DMP1: variants seen among roughly 807,000 people sequenced by gnomAD.
DMP1 encodes dentin matrix protein 1.
Under a neutral mutation model 14.6 loss-of-function variants are expected in DMP1, and 20 were observed. The observed-to-expected ratio is 1.37, with a 90% CI of 0.96 to 1.99. The LOEUF (loss-of-function observed/expected upper bound fraction) is 1.99, where lower values mean the gene tolerates loss of function less well. Ranked by LOEUF, DMP1 falls within the 30% of genes most tolerant of loss-of-function variation. The pLI is 0.00. For missense variants in DMP1, 567 were observed against 620.5 expected (o/e 0.91, Z 0.92); for synonymous variants, 197 against 215.3 (o/e 0.91, Z 0.75).
chr4:87,660,995 A>C (rs922650509), intron 5 of DMP1, among the ~76,000 whole-genome samples: 1 of 152,192 alleles, frequency 6.6e-6, no homozygotes, highest in Non-Finnish European at 1.5e-5. Flanking sequence ...GAGCATTATA[A>C]ACCAACTCTA....
chr4:87,655,932 T>G (rs1273968649), intron 1 of DMP1, among the ~76,000 whole-genome samples: 2 of 152,206 alleles, frequency 1.3e-5, no homozygotes, highest in East Asian at 3.8e-4. Context: ...TCAATTTATT[T>G]CTTAGGAGTG....
chr4:87,659,980 T>C (rs575563536), intron 5 of DMP1, among the ~76,000 whole-genome samples: 17 of 152,356 alleles, frequency 1.1e-4, no homozygotes, highest in East Asian at 5.8e-4. Flanking sequence ...TCTGTGGGAC[T>C]GGGCTCTGGG....
rs766560937 is a variant in DMP1 at position 87,662,486 on chromosome 4, C to A, written c.708C>A (p.Gly236=). Residue 236 remains glycine, a synonymous_variant, in exon 6 of 6, where the codon GGC becomes GGA. Transcript: ENST00000339673. ...GAAACTCCAGAATGAACAGTGCAGG[C>A]ATGAAATCAAAAGAATCTGGAGAAA... The part of the protein sequence containing the change: ...ERGNSRMNSA[G]MKSKESGENS... 24 of 1,614,056 alleles carry A rather than the reference C, an allele frequency of 1.5e-5. No individual in the cohort carries two copies. The highest frequency in any genetic ancestry group is 2.0e-5 in the Non-Finnish European group (24 of 1,180,038).
Position 87,662,198 on chromosome 4 carries a change from T to G in DMP1, c.420T>G (p.Ser140=), listed in dbSNP as rs1728915876. 1 of 1,614,160 alleles carries G rather than the reference T, an allele frequency of 6.2e-7. No homozygotes were observed. The highest frequency in any genetic ancestry group is 8.5e-7 in the Non-Finnish European group (1 of 1,180,042). ...CCAGACTGGGAAGTGATGAGGACTC[T>G]GATGACACCATACAAGCCAGTGAAG... ...GNSRLGSDED[S]DDTIQASEES... The change falls in exon 6 of 6, where the codon TCT becomes TCG. Residue 140 remains serine, a synonymous_variant. Transcript: ENST00000339673.
intron 2 of DMP1, among the ~76,000 whole-genome samples, 156 bp downstream of exon 2, chr4:87,656,702 GTTT>G (rs1307513049): frequency 6.6e-6 from 1 of 152,188 alleles, no homozygotes; most frequent in Admixed American, 6.5e-5. Flanking sequence ...CATTCAAGGT[GTTT>G]TTTATTCTGT....
At chr4:87,653,620 G>C (rs1728598704) in intron 1 of DMP1, among the ~76,000 whole-genome samples, 1 of 151,480 alleles carries the variant, frequency 6.6e-6, no homozygotes, top group African/African-American at 2.4e-5. Context: ...CTTAGATCAA[G>C]TGTTAAAATC....
intron 5 of DMP1, among the ~76,000 whole-genome samples, chr4:87,661,077 C>T (rs894847390): frequency 1.3e-5 from 2 of 152,130 alleles, no homozygotes; most frequent in East Asian, 1.9e-4. Context: ...CTCGCTCTGT[C>T]GCCAGGCTGG....
At chr4:87,653,600 A>C (rs1454431843) in intron 1 of DMP1, among the ~76,000 whole-genome samples, 1 of 151,150 alleles carries the variant, frequency 6.6e-6, no homozygotes, top group East Asian at 1.9e-4. Flanking sequence ...TAATTATGAT[A>C]TTTTTAATTC....
Position 87,663,947 on chromosome 4 carries a change from A to G in DMP1, c.*627A>G, listed in dbSNP as rs1456986718. The G allele has an allele frequency of 6.5e-6, 1 of 153,872 alleles. No homozygotes were observed. The highest frequency in any genetic ancestry group is 1.4e-5 in the Non-Finnish European group (1 of 69,118). 9.5% of individuals were successfully genotyped at this position (153,872 alleles called of 1,614,324 possible). A position where few individuals can be genotyped will look rare whatever the true frequency, so the allele number is the denominator to read the frequency against. ...CCGGGAAATTCTATTCTTGGGATAA[A>G]TAATAGTAAATTCTATAGGATTCAA... On this transcript the variant is annotated 3_prime_UTR_variant, in exon 6 of 6. Transcript: ENST00000339673.
Position 87,664,019 on chromosome 4 carries a change from T to C in DMP1, c.*699T>C, listed in dbSNP as rs1729014673. On this transcript the variant is annotated 3_prime_UTR_variant, in exon 6 of 6. Coordinates refer to ENST00000339673, the MANE Select transcript of DMP1 (RefSeq NM_004407.4). ...TTGAAATTATGGCACAGTGAGTTGT[T>C]TTGGATAAGAAAATCTTTTTCTCCC... 1 of 152,248 alleles carries C rather than the reference T, an allele frequency of 6.6e-6. No homozygotes were observed. The highest frequency in any genetic ancestry group is 2.1e-4 in the South Asian group (1 of 4,834). 9.4% of individuals were successfully genotyped at this position (152,248 alleles called of 1,614,324 possible).
At chr4:87,652,295 G>A (rs1174482655) in intron 1 of DMP1, among the ~76,000 whole-genome samples, 1 of 152,106 alleles carries the variant, frequency 6.6e-6, no homozygotes, top group African/African-American at 2.4e-5. Context: ...CTGCCTATCT[G>A]CTTCTACTCT....
In DMP1 at chr4:87,663,371, G is replaced by T; in HGVS notation, c.*51G>T. ...TCACATAAAGGAGTCTTAGGGACTT[G>T]AAAATGTATCATGATAACTATAATT... On this transcript the variant is annotated 3_prime_UTR_variant, in exon 6 of 6. Coordinates refer to ENST00000339673, the MANE Select transcript of DMP1 (RefSeq NM_004407.4). The T allele has an allele frequency of 6.2e-7, 1 of 1,612,528 alleles. No homozygotes were observed. Among genetic ancestry groups the T allele is most frequent in the South Asian group, 1.1e-5 (1 of 90,922 alleles).
intron 1 of DMP1, 125 bp from the exon 2 acceptor site, chr4:87,656,347 T>C: frequency 2.8e-6 from 2 of 704,258 alleles, no homozygotes; most frequent in Non-Finnish European, 2.6e-6. Context: ...ATACAGTAAA[T>C]TTTATTTATC....
chr4:87,654,506 C>A (rs1728630511), intron 1 of DMP1, among the ~76,000 whole-genome samples: 1 of 152,054 alleles, frequency 6.6e-6, no homozygotes. Flanking sequence ...ACTTATCTTG[C>A]CAAAATTGAG....
intron 1 of DMP1, among the ~76,000 whole-genome samples, chr4:87,651,612 C>T (rs1034301315): frequency 3.3e-5 from 5 of 151,974 alleles, no homozygotes; most frequent in Non-Finnish European, 7.4e-5. Flanking sequence ...AAGTTTCCTG[C>T]TAATGTACAT....
chr4:87,651,552 TTTA>T (rs1252298274), intron 1 of DMP1, among the ~76,000 whole-genome samples: 7 of 152,086 alleles, frequency 4.6e-5, no homozygotes, highest in South Asian at 2.1e-4. Context: ...TCTGGTTAAT[TTTA>T]TTATTATAAA....
intron 1 of DMP1, among the ~76,000 whole-genome samples, chr4:87,653,814 T>A (rs141876150): frequency 6.6e-6 from 1 of 152,068 alleles, no homozygotes; most frequent in African/African-American, 2.4e-5. Context: ...AAGGGAAAAC[T>A]TCCCCCTCAC....
rs1052959502 is a variant in DMP1 at position 87,663,098 on chromosome 4, A to G, written c.1320A>G (p.Ala440=). 3 of 1,614,096 alleles carry G rather than the reference A, an allele frequency of 1.9e-6. No homozygotes were observed. Among genetic ancestry groups the G allele is most frequent in the Non-Finnish European group, 2.5e-6 (3 of 1,180,048 alleles). ...GCCTCCAGTCTCACAGCAGCTCAGC[A>G]GAGAGTCAGAGCGAGGAAAGCCATT... ...QEGLQSHSSS[A]ESQSEESHSE... is the part of the protein sequence containing the mutation. The change falls in exon 6 of 6, where the codon GCA becomes GCG. Residue 440 remains alanine (A), a synonymous_variant. Coordinates refer to ENST00000339673, the MANE Select transcript of DMP1 (RefSeq NM_004407.4).
chr4:87,656,579 C>T (rs747358988), intron 2 of DMP1, 33 bp downstream of exon 2: 13 of 1,431,268 alleles, frequency 9.1e-6, no homozygotes, highest in South Asian at 8.0e-5. Context: ...ATGAAAAAAC[C>T]CTTTCATACT....
Sources: gnomAD v4.1 joint callset for allele counts (sites outside exome capture counted in the v4.1 genomes callset) on GRCh38, gnomAD v4.1.1 for gene constraint, MANE v1.5 for transcripts, NCBI Gene and HGNC (gene_info 2026-07-23, HGNC 2026-07-21) for gene names.